NETO1: variants seen among roughly 807,000 people sequenced by gnomAD.
NETO1 encodes the protein neuropilin and tolloid like 1, also known as neuropilin and tolloid-like protein 1.
A neutral mutation model predicts 61.3 loss-of-function variants in NETO1; 26 were observed. The ratio of observed to expected loss-of-function variants is 0.42; its 90% CI spans 0.31 to 0.59. The LOEUF (loss-of-function observed/expected upper bound fraction) is 0.59. Ranked by LOEUF, NETO1 falls within the 20% of genes least tolerant of loss-of-function variation. The probability of loss-of-function intolerance (pLI) is 0.12; values close to 1 mark genes in which losing one functional copy is unlikely to be tolerated. For synonymous variants in NETO1, 225 were observed against 225.8 expected (o/e 1.00, Z 0.03); for missense variants, 531 against 662.8 (o/e 0.80, Z 2.18).
intron 4 of NETO1, among the ~76,000 whole-genome samples, chr18:72,842,290 A>G (rs1408255696): frequency 1.3e-5 from 2 of 152,162 alleles, no homozygotes; most frequent in Non-Finnish European, 2.9e-5. Flanking sequence ...TAAATATTAT[A>G]TATTATATGT....
At chr18:72,786,378 A>C (rs532083974) in intron 6 of NETO1, among the ~76,000 whole-genome samples, 4 of 152,360 alleles carry the variant, frequency 2.6e-5, no homozygotes, top group South Asian at 4.1e-4. Flanking sequence ...GAGAAAGAAC[A>C]AAATCAGAGA....
At chr18:72,799,311 G>C (rs1351098617) in intron 4 of NETO1, among the ~76,000 whole-genome samples, 1 of 152,200 alleles carries the variant, frequency 6.6e-6, no homozygotes, top group Non-Finnish European at 1.5e-5. Context: ...GAGTCTACCA[G>C]TACTGACAAC....
chr18:72,772,793 T>TTCTCTCTCTCTC (rs71166423), intron 7 of NETO1, among the ~76,000 whole-genome samples: 2 of 58,964 alleles, frequency 3.4e-5, no homozygotes, highest in South Asian at 1.9e-3. Context: ...CTCTATATAG[T>TTCTCTCTCTCTC]TCTCTCTCTC....
In NETO1 at chr18:72,761,163, A is replaced by T. The variant is rs551323117; in HGVS notation, c.869-5016T>A. 5.2e-4 allele frequency among the ~76,000 whole-genome samples: 77 copies of T among 148,366 alleles called. No homozygotes were observed. The Middle Eastern group carries it at 0.017, about 33-fold the overall frequency. On this transcript the variant is annotated intron_variant, in intron 7 of 10. Transcript: ENST00000327305. ...ATATAAACGTGACTTAACTGACATT[A>T]AATTTTCTAATTTGTAAAGTGAAGA... is the stretch of plus-strand genomic sequence containing the variant.
At chr18:72,838,887 T>C (rs1257814768) in intron 4 of NETO1, among the ~76,000 whole-genome samples, 1 of 152,198 alleles carries the variant, frequency 6.6e-6, no homozygotes, top group Non-Finnish European at 1.5e-5. Context: ...CTCTCAACCG[T>C]AAAGTTTTCA....
chr18:72,812,488 A>G (rs1203752180), intron 4 of NETO1, among the ~76,000 whole-genome samples: 3 of 152,206 alleles, frequency 2.0e-5, no homozygotes, highest in Non-Finnish European at 1.5e-5. Context: ...GACTCTAGTG[A>G]CTTTTTGGTT....
intron 8 of NETO1, among the ~76,000 whole-genome samples, chr18:72,755,772 C>G (rs1004589442): frequency 7.2e-5 from 11 of 152,058 alleles, no homozygotes; most frequent in Admixed American, 1.3e-4. Flanking sequence ...GTTTTCATAG[C>G]TCTGCAGGCT....
intron 7 of NETO1, 52 bp downstream of exon 7, chr18:72,783,626 G>T (rs2071815490): frequency 1.4e-6 from 2 of 1,435,828 alleles, no homozygotes; most frequent in Admixed American, 1.7e-5. Flanking sequence ...TTATGAAACT[G>T]GCATCATATG....
At chr18:72,792,985 A>G (rs945599602) in intron 6 of NETO1, among the ~76,000 whole-genome samples, 17 of 152,146 alleles carry the variant, frequency 1.1e-4, no homozygotes, top group Middle Eastern at 3.4e-3. Flanking sequence ...GACTTCCCCT[A>G]CCTGGTGTAA....
chr18:72,839,784 T>C lies in NETO1; in HGVS notation c.469+19042A>G, dbSNP rs1032574812. Among the ~76,000 whole-genome samples the C allele has an allele frequency of 1.6e-4, 3 of 18,972 alleles. No homozygotes were observed. The South Asian group carries it at 4.4e-3, about 28-fold the overall frequency. The allele number at this position is 18,972 out of a possible 152,430, so 12.4% of individuals were successfully genotyped here. On this transcript the variant is annotated intron_variant, in intron 4 of 10. Transcript: ENST00000327305. ...TTCCTGTGATCCAAATTTTCAAGCA[T>C]GTTTAAGACATGTTATAAGTTTTTT... is the stretch of plus-strand genomic sequence containing the variant.
rs1421879333 is a variant in NETO1, at chr18:72,744,191, A to G, written c.*3988T>C. On this transcript the variant is annotated 3_prime_UTR_variant, in exon 11 of 11. Coordinates refer to ENST00000327305, the MANE Select transcript of NETO1 (RefSeq NM_138966.5). ...AATGATGAGTTGATATGAGTGTCTG[A>G]CATCAGTCACCCTAATTGTTATTTT... 6.6e-6 allele frequency: 1 copy of G among 152,194 alleles called. No homozygotes were observed. The allele number at this position is 152,194 out of a possible 1,614,324, so 9.4% of individuals were successfully genotyped here.
chr18:72,841,093 AG>A (rs772770997), intron 4 of NETO1, among the ~76,000 whole-genome samples: 34 of 152,250 alleles, frequency 2.2e-4, no homozygotes, highest in Non-Finnish European at 4.4e-4. Flanking sequence ...TTTGGTCTTC[AG>A]GGGAATGGAG....
chr18:72,778,248 A>C (rs2071623036), intron 7 of NETO1, among the ~76,000 whole-genome samples: 1 of 152,182 alleles, frequency 6.6e-6, no homozygotes, highest in Non-Finnish European at 1.5e-5. Context: ...CACTGACTTC[A>C]GCAATAGGTC....
chr18:72,860,427 A>C (rs2074536338), intron 3 of NETO1, among the ~76,000 whole-genome samples: 1 of 152,206 alleles, frequency 6.6e-6, no homozygotes, highest in Non-Finnish European at 1.5e-5. Flanking sequence ...GGTTTTCAAA[A>C]ATGTATGTAA....
rs1267853787 is a variant in NETO1 at position 72,785,307 on chromosome 18, G to GT, written c.640-1402dup. The stretch of plus-strand genomic sequence containing the variant: ...TCTCACTATTTAAATTAGTGAAAAT[G>GT]TATCTCTTGTCCTCCATGTTCGTAC... On this transcript the variant is annotated intron_variant, in intron 6 of 10. Coordinates refer to ENST00000327305, the MANE Select transcript of NETO1 (RefSeq NM_138966.5). Among the ~76,000 whole-genome samples the GT allele has an allele frequency of 3.9e-5, 6 of 152,068 alleles. 1 individual carries two copies. The highest frequency in any genetic ancestry group is 1.3e-4 in the Admixed American group (2 of 15,268).
chr18:72,753,625 G>A (rs2070695280), intron 8 of NETO1, among the ~76,000 whole-genome samples: 2 of 152,090 alleles, frequency 1.3e-5, no homozygotes, highest in Non-Finnish European at 2.9e-5. Flanking sequence ...AATTAAACAG[G>A]GAAGCAAGTA....
At position 72,744,715 on chromosome 18, in the gene NETO1, C is replaced by G. The variant is rs1568163697; in HGVS notation, c.*3464G>C. ...TTCAGAGAGGGAATCTGACATGACT[C>G]ATTTTCATCAGAGATACACAAACTT... On this transcript the variant is annotated 3_prime_UTR_variant, in exon 11 of 11. Transcript: ENST00000327305. 3 of 152,266 alleles carry G rather than the reference C, an allele frequency of 2.0e-5. No homozygotes were observed. The East Asian group carries it at 5.8e-4, about 29-fold the overall frequency. 9.4% of individuals were successfully genotyped at this position (152,266 alleles called of 1,614,324 possible).
intron 5 of NETO1, 31 bp from the exon 6 acceptor site, chr18:72,794,275 A>G (rs768344776): frequency 1.2e-6 from 2 of 1,613,956 alleles, no homozygotes; most frequent in Non-Finnish European, 8.5e-7. Flanking sequence ...CAAACACACA[A>G]AAACGGAGCT....
intron 4 of NETO1, chr18:72,834,069 G>A: frequency 1.1e-6 from 1 of 926,426 alleles, no homozygotes; most frequent in Middle Eastern, 5.6e-4. Context: ...TTTAAAGAAA[G>A]GCTTAGTTGT....
Sources: gnomAD v4.1 joint callset for allele counts (sites outside exome capture counted in the v4.1 genomes callset) on GRCh38, gnomAD v4.1.1 for gene constraint, MANE v1.5 for transcripts, NCBI Gene and HGNC (gene_info 2026-07-23, HGNC 2026-07-21) for gene names.